MRPS28: variants seen among roughly 807,000 people sequenced by gnomAD.
MRPS28 encodes the protein mitochondrial ribosomal protein S28.
In MRPS28, 7 loss-of-function variants were observed where a neutral mutation model predicts 10.8. The ratio of observed to expected loss-of-function variants is 0.65; its 90% CI spans 0.37 to 1.22. The LOEUF is 1.22. Ranked by LOEUF, MRPS28 falls within the 50% of genes most tolerant of loss-of-function variation. MRPS28 has a pLI of 0.02. For missense variants in MRPS28, 265 were observed against 232.9 expected, an observed-to-expected ratio of 1.14 and a Z score of -0.90; for synonymous variants, 121 against 93.3, an observed-to-expected ratio of 1.30 and a Z score of -1.71.
chr8:80,021,014 T>C (rs1049966674), intron 1 of MRPS28, among the ~76,000 whole-genome samples: 1 of 152,060 alleles, frequency 6.6e-6, no homozygotes, highest in African/African-American at 2.4e-5. Flanking sequence ...CACTTTTTTT[T>C]TTTTTTTGAG....
At chr8:79,995,057 C>G (rs970747435) in intron 2 of MRPS28, among the ~76,000 whole-genome samples, 8 of 152,096 alleles carry the variant, frequency 5.3e-5, no homozygotes, top group Admixed American at 1.3e-4. Context: ...CTTCTCCATG[C>G]CTGTAGAATA....
At chr8:79,935,931 T>C (rs1806594160) in intron 2 of MRPS28, among the ~76,000 whole-genome samples, 1 of 152,018 alleles carries the variant, frequency 6.6e-6, no homozygotes, top group Non-Finnish European at 1.5e-5. Flanking sequence ...ATTATAAACA[T>C]TCAACCTTAA....
intron 2 of MRPS28, among the ~76,000 whole-genome samples, chr8:79,937,529 TG>T (rs568074396): frequency 1.9e-4 from 29 of 152,302 alleles, no homozygotes; most frequent in African/African-American, 5.8e-4. Flanking sequence ...ACACATCATA[TG>T]AAATACACCT....
intron 2 of MRPS28, among the ~76,000 whole-genome samples, chr8:79,953,931 T>C (rs562786207): frequency 1.3e-5 from 2 of 152,268 alleles, no homozygotes; most frequent in Admixed American, 1.3e-4. Flanking sequence ...AAATAGACAA[T>C]AAACATGAAA....
chr8:79,920,742 T>A (rs1271977357), intron 2 of MRPS28, among the ~76,000 whole-genome samples: 1 of 152,216 alleles, frequency 6.6e-6, no homozygotes, highest in African/African-American at 2.4e-5. Context: ...GTAGGTTACC[T>A]CTTCACTCTG....
At chr8:79,928,693 G>T (rs1455771619) in intron 2 of MRPS28, among the ~76,000 whole-genome samples, 1 of 151,146 alleles carries the variant, frequency 6.6e-6, no homozygotes, top group South Asian at 2.1e-4. Context: ...CATCTGCCTC[G>T]GCCTCCCAAA....
chr8:80,012,882 T>C (rs974648245), intron 1 of MRPS28, among the ~76,000 whole-genome samples: 23 of 152,194 alleles, frequency 1.5e-4, no homozygotes, highest in African/African-American at 5.1e-4. Flanking sequence ...CCATTTAATA[T>C]ACAGCTTGGA....
intron 2 of MRPS28, among the ~76,000 whole-genome samples, chr8:79,998,708 C>T (rs1179678620): frequency 5.3e-5 from 8 of 152,180 alleles, no homozygotes; most frequent in Non-Finnish European, 1.2e-4. Flanking sequence ...ATATCTTATG[C>T]TTTTCTGCAA....
At chr8:79,971,030 G>A (rs1807618378) in intron 2 of MRPS28, among the ~76,000 whole-genome samples, 1 of 152,210 alleles carries the variant, frequency 6.6e-6, no homozygotes, top group East Asian at 1.9e-4. Flanking sequence ...TAGAAGCCAC[G>A]AGAAGGGAGA....
At chr8:79,947,628 A>ATT (rs1806954991) in intron 2 of MRPS28, among the ~76,000 whole-genome samples, 3 of 137,648 alleles carry the variant, frequency 2.2e-5, no homozygotes, top group Admixed American at 7.0e-5. Flanking sequence ...AAATATATTA[A>ATT]GTTTTTTTTT....
At chr8:80,029,856 A>C (rs1374963469) in intron 1 of MRPS28, 180 bp downstream of exon 1, 3 of 1,535,306 alleles carry the variant, frequency 2.0e-6, no homozygotes, top group Non-Finnish European at 2.6e-6. Flanking sequence ...GAAAGGAAGA[A>C]AAACACCAAG....
intron 2 of MRPS28, among the ~76,000 whole-genome samples, chr8:79,959,452 G>T (rs1807313264): frequency 6.6e-6 from 1 of 152,028 alleles, no homozygotes; most frequent in South Asian, 2.1e-4. Flanking sequence ...AAGATTCTAT[G>T]TTATATATCT....
Position 79,947,126 on chromosome 8 carries a change from C to T in MRPS28, c.396-27978G>A, listed in dbSNP as rs117299872. Among the ~76,000 whole-genome samples, 1,512 of 152,230 alleles carry T rather than the reference C, an allele frequency of 9.9e-3. 12 individuals are homozygous for T. The highest frequency in any genetic ancestry group is 0.014 in the African/African-American group (598 of 41,540). Reference sequence around the variant, plus strand: ...AACTAACTCACAAAAATCCAACAGTCTTTATATACGCAAGCAAAAATTAGT... The same window carrying T: ...AACTAACTCACAAAAATCCAACAGTTTTTATATACGCAAGCAAAAATTAGT... On this transcript the variant is annotated intron_variant, in intron 2 of 2. Coordinates refer to ENST00000276585, the MANE Select transcript of MRPS28 (RefSeq NM_014018.3).
At chr8:79,933,767 A>G (rs923141078) in intron 2 of MRPS28, among the ~76,000 whole-genome samples, 1 of 152,334 alleles carries the variant, frequency 6.6e-6, no homozygotes, top group East Asian at 1.9e-4. Flanking sequence ...TAAATTTTAT[A>G]GAATAAGCTG....
At chr8:80,020,495 G>C (rs138657785) in intron 1 of MRPS28, among the ~76,000 whole-genome samples, 13 of 152,302 alleles carry the variant, frequency 8.5e-5, no homozygotes, top group African/African-American at 2.4e-4. Context: ...ATGAAGAAAA[G>C]AGAAAAGCTG....
intron 2 of MRPS28, among the ~76,000 whole-genome samples, chr8:79,923,837 G>T (rs1416460862): frequency 6.6e-6 from 1 of 152,120 alleles, no homozygotes; most frequent in Non-Finnish European, 1.5e-5. Context: ...AAACGAGACT[G>T]CATGTCTGAG....
chr8:80,029,900 C>A (rs1047178687), intron 1 of MRPS28, 136 bp downstream of exon 1: 18 of 1,536,240 alleles, frequency 1.2e-5, no homozygotes, highest in Non-Finnish European at 1.4e-5. Context: ...TGAGCCACAA[C>A]GCACCGCAAC....
At chr8:79,999,234 C>T (rs1488695727) in intron 2 of MRPS28, among the ~76,000 whole-genome samples, 2 of 152,186 alleles carry the variant, frequency 1.3e-5, no homozygotes, top group African/African-American at 4.8e-5. Context: ...GTGTCCAGCC[C>T]AATAAGCTGT....
intron 1 of MRPS28, among the ~76,000 whole-genome samples, chr8:80,009,029 T>C (rs1808950035): frequency 6.6e-6 from 1 of 152,224 alleles, no homozygotes; most frequent in East Asian, 1.9e-4. Flanking sequence ...CCAACCCAAA[T>C]GTCCATCAGT....
Sources: allele counts gnomAD v4.1 joint callset (sites outside exome capture counted in the v4.1 genomes callset), GRCh38; gene constraint gnomAD v4.1.1; transcripts MANE v1.5; gene names NCBI Gene and HGNC (gene_info 2026-07-23, HGNC 2026-07-21).